Variants in TBC1D22A observed in about 807,000 individuals in gnomAD.
The protein encoded by TBC1D22A is putative GTPase activator.
Under a neutral mutation model 60.2 loss-of-function variants are expected in TBC1D22A, and 38 were observed. The ratio of observed to expected loss-of-function variants is 0.63; its 90% CI spans 0.49 to 0.83. The LOEUF is 0.83. Among genes scored for constraint, TBC1D22A ranks in the 40% least tolerant of loss-of-function variants. The pLI is 0.00. For synonymous variants in TBC1D22A, 302 were observed against 281.7 expected, an observed-to-expected ratio of 1.07 and a Z score of -0.72; for missense variants, 628 against 701.0, an observed-to-expected ratio of 0.90 and a Z score of 1.18.
At chr22:46,897,652 G>GTTTTTTTTTTTTTTTTTT (rs34529641) in intron 7 of TBC1D22A, among the ~76,000 whole-genome samples, 2 of 111,516 alleles carry the variant, frequency 1.8e-5, no homozygotes, top group African/African-American at 3.9e-5. Context: ...TTTTTTTTGT[G>GTTTTTTTTTTTTTTTTTT]TTTTTTTTTT....
chr22:47,036,137 C>T (rs988125763), intron 10 of TBC1D22A, among the ~76,000 whole-genome samples: 2 of 152,140 alleles, frequency 1.3e-5, no homozygotes, highest in African/African-American at 2.4e-5. Context: ...AAGTGAGCTG[C>T]AGAAAGAAGG....
intron 8 of TBC1D22A, among the ~76,000 whole-genome samples, chr22:46,944,639 C>G (rs2072411030): frequency 1.3e-5 from 2 of 152,230 alleles, no homozygotes; most frequent in South Asian, 2.1e-4. Context: ...ACCTTGTAAT[C>G]TGCCCACCTT....
intron 3 of TBC1D22A, among the ~76,000 whole-genome samples, chr22:46,795,483 A>G (rs921853517): frequency 2.0e-5 from 3 of 152,206 alleles, no homozygotes; most frequent in Non-Finnish European, 4.4e-5. Flanking sequence ...TCACCCTGGG[A>G]TGGCCTCATC....
chr22:47,050,108 G>A (rs551489673), intron 11 of TBC1D22A, among the ~76,000 whole-genome samples: 3 of 152,178 alleles, frequency 2.0e-5, no homozygotes, highest in African/African-American at 4.8e-5. Context: ...GGGTTCAAAC[G>A]ATTCTCCTGC....
intron 4 of TBC1D22A, among the ~76,000 whole-genome samples, chr22:46,819,778 T>G: frequency 6.6e-6 from 1 of 152,240 alleles, no homozygotes; most frequent in Non-Finnish European, 1.5e-5. Context: ...GAGTCCCTCT[T>G]TTTCAATTGT....
chr22:47,121,106 GA>G (rs1263775723), intron 12 of TBC1D22A, among the ~76,000 whole-genome samples: 4 of 152,228 alleles, frequency 2.6e-5, no homozygotes, highest in Non-Finnish European at 5.9e-5. Context: ...GGAACAGTCA[GA>G]AACCCACATG....
intron 8 of TBC1D22A, among the ~76,000 whole-genome samples, chr22:46,935,448 G>A (rs553088228): frequency 1.4e-4 from 22 of 152,188 alleles, no homozygotes; most frequent in South Asian, 6.2e-4. Context: ...CCACTCCCCC[G>A]CAGCCCCTGT....
intron 1 of TBC1D22A, among the ~76,000 whole-genome samples, chr22:46,779,840 G>C (rs1235463323): frequency 2.6e-5 from 4 of 152,344 alleles, no homozygotes; most frequent in African/African-American, 9.6e-5. Context: ...GCAGGACAGC[G>C]TATGTGTTGC....
chr22:46,802,324 A>G (rs1007719337), intron 4 of TBC1D22A, among the ~76,000 whole-genome samples: 2 of 152,220 alleles, frequency 1.3e-5, no homozygotes, highest in African/African-American at 2.4e-5. Flanking sequence ...GGCAGGAAGC[A>G]TATAGGGAGA....
At chr22:46,835,412 A>C (rs1230683328) in intron 4 of TBC1D22A, among the ~76,000 whole-genome samples, 1 of 152,242 alleles carries the variant, frequency 6.6e-6, no homozygotes, top group Non-Finnish European at 1.5e-5. Context: ...ATAAAAAAGA[A>C]CCAAACAAAT....
At chr22:46,968,025 G>A (rs1453026360) in intron 8 of TBC1D22A, among the ~76,000 whole-genome samples, 4 of 152,348 alleles carry the variant, frequency 2.6e-5, no homozygotes, top group East Asian at 1.9e-4. Flanking sequence ...GTGGGGGGCC[G>A]TGAGGGAAAT....
intron 1 of TBC1D22A, among the ~76,000 whole-genome samples, chr22:46,790,338 C>T (rs1601871939): frequency 6.6e-6 from 1 of 152,348 alleles, no homozygotes; most frequent in Non-Finnish European, 1.5e-5. Flanking sequence ...CTTTTGAGTA[C>T]TCATGATTAG....
intron 8 of TBC1D22A, among the ~76,000 whole-genome samples, chr22:46,937,407 G>A (rs1044803044): frequency 1.8e-4 from 28 of 152,174 alleles, no homozygotes; most frequent in Non-Finnish European, 1.9e-4. Context: ...CCATTGTAAT[G>A]TCTTAGCAGC....
chr22:47,160,454 C>T (rs1483343307), intron 12 of TBC1D22A, among the ~76,000 whole-genome samples: 3 of 152,156 alleles, frequency 2.0e-5, no homozygotes, highest in African/African-American at 4.8e-5. Context: ...TTCACAGGGC[C>T]GCCGGTAGCT....
At chr22:47,096,832 A>T (rs1349178109) in intron 11 of TBC1D22A, among the ~76,000 whole-genome samples, 4 of 152,208 alleles carry the variant, frequency 2.6e-5, no homozygotes, top group Non-Finnish European at 4.4e-5. Context: ...AAAAAAAATA[A>T]AAATAAATAA....
At position 46,912,066 on chromosome 22, in the gene TBC1D22A, T is replaced by A. The variant is rs373469514; in HGVS notation, c.901-8T>A. ...TTTTGCTTTACCACCTGTTCCATTT[T>A]CTTTCAGATTTTTGAAAGGATCTTG... On this transcript the variant is annotated splice_region_variant and splice_polypyrimidine_tract_variant and intron_variant, in intron 7 of 12. Transcript: ENST00000337137. 6.2e-6 allele frequency: 10 copies of A among 1,606,596 alleles called. No individual in the cohort carries two copies. In the African/African-American group the frequency reaches 1.3e-4, roughly 21 times the overall value.
intron 11 of TBC1D22A, among the ~76,000 whole-genome samples, chr22:47,048,578 A>G (rs375628396): frequency 2.0e-5 from 3 of 152,198 alleles, no homozygotes; most frequent in Admixed American, 2.0e-4. Context: ...AGCATGGGGC[A>G]GACAGAGCCA....
At chr22:47,128,960 G>A (rs1325434728) in intron 12 of TBC1D22A, among the ~76,000 whole-genome samples, 1 of 152,236 alleles carries the variant, frequency 6.6e-6, no homozygotes, top group Non-Finnish European at 1.5e-5. Context: ...GTGTGTGCGT[G>A]TGGGCCTTGC....
intron 10 of TBC1D22A, among the ~76,000 whole-genome samples, chr22:47,008,400 G>C (rs2061653265): frequency 6.6e-6 from 1 of 152,190 alleles, no homozygotes; most frequent in African/African-American, 2.4e-5. Flanking sequence ...ACTGGCACTT[G>C]CCAACTCTCC....
Sources: gnomAD v4.1 joint callset for allele counts (sites outside exome capture counted in the v4.1 genomes callset) on GRCh38, gnomAD v4.1.1 for gene constraint, MANE v1.5 for transcripts, NCBI Gene and HGNC (gene_info 2026-07-23, HGNC 2026-07-21) for gene names.